Variants in SRL observed in about 807,000 individuals in gnomAD.
The protein encoded by SRL is sarcalumenin.
A neutral mutation model predicts 39.5 loss-of-function variants in SRL; 23 were observed. The ratio of observed to expected loss-of-function variants is 0.58; its 90% confidence interval spans 0.42 to 0.82. The LOEUF is 0.82. SRL is among the 40% of genes least tolerant of loss of function. SRL has a pLI of 0.00. For missense variants in SRL, 592 were observed against 607.8 expected, an observed-to-expected ratio of 0.97 and a Z score of 0.27; for synonymous variants, 272 against 237.4, an observed-to-expected ratio of 1.15 and a Z score of -1.34.
rs765860017 is a variant in SRL at position 4,192,905 on chromosome 16, C to T, written c.670G>A (p.Val224Ile). Residue 224 changes from valine to isoleucine, a missense_variant, in exon 6 of 6, where the codon GTC becomes ATC. By Grantham distance (29) the Val-to-Ile change is conservative. Coordinates refer to ENST00000399609, the MANE Select transcript of SRL (RefSeq NM_001098814.2). The surrounding 1 kb of genome is among the most constrained non-coding windows in gnomAD (Gnocchi z 4.0). ...ACATCCAGCTTTGTTGGGTCAAAGA[C>T]GACAAAGATGAGGTCAGCTCTGTCG... is the stretch of plus-strand genomic sequence containing the variant. The part of the protein sequence containing the change: ...FIDRADLIFV[V>I]FDPTKLDVGL... 250 of 1,613,990 alleles carry T rather than the reference C, an allele frequency of 1.5e-4. No homozygotes were observed. The highest frequency in any genetic ancestry group is 2.0e-4 in the Non-Finnish European group (241 of 1,180,050).
At chr16:4,226,468 T>C (rs2052590492) in intron 1 of SRL, among the ~76,000 whole-genome samples, 1 of 148,042 alleles carries the variant, frequency 6.8e-6, no homozygotes. Context: ...GAAGGAAGGA[T>C]AGACGGATGA....
chr16:4,204,124 A>G (rs1437220931), intron 2 of SRL, among the ~76,000 whole-genome samples: 1 of 152,256 alleles, frequency 6.6e-6, no homozygotes, highest in Non-Finnish European at 1.5e-5. Context: ...TCATTGATTA[A>G]GAGGAGACAA....
intron 1 of SRL, 101 bp downstream of exon 1, chr16:4,241,906 G>C (rs927275009): frequency 1.6e-6 from 2 of 1,274,868 alleles, no homozygotes; most frequent in Non-Finnish European, 2.2e-6. Context: ...GCCAGGGTTT[G>C]CCATCAGCCC....
Position 4,216,396 on chromosome 16 carries a change from T to G in SRL, c.62-11762A>C, listed in dbSNP as rs142695569. ...AAGCGATTCTCCTGCCTCAGCCTCCTGAGTAGCCGGGACCACAAGTGCACG... is the reference window on the plus strand; with the variant it reads ...AAGCGATTCTCCTGCCTCAGCCTCCGGAGTAGCCGGGACCACAAGTGCACG... On this transcript the variant is annotated intron_variant, in intron 1 of 5. Transcript: ENST00000399609. Among the ~76,000 whole-genome samples, 862 of 152,186 alleles carry G rather than the reference T, an allele frequency of 5.7e-3. 5 individuals are homozygous for G. Among genetic ancestry groups the G allele is most frequent in the African/African-American group, 0.02 (812 of 41,534 alleles).
chr16:4,192,244 C>A lies in SRL; in HGVS notation c.1331G>T (p.Gly444Val). Reference sequence around the variant, plus strand: ...TGGATTCTTCCCGAGCCCGAGGCTACCCAGGAGGCCCGGAAGCTCCTGAGT... The same window carrying A: ...TGGATTCTTCCCGAGCCCGAGGCTAACCAGGAGGCCCGGAAGCTCCTGAGT... ...AITQELPGLL[G>V]SLGLGKNPGA... Residue 444 changes from glycine to valine, a missense_variant, in exon 6 of 6, where the codon GGT becomes GTT. Coordinates refer to ENST00000399609, the MANE Select transcript of SRL (RefSeq NM_001098814.2). The surrounding 1 kb of genome is among the most constrained non-coding windows in gnomAD (Gnocchi z 4.0). 1 of 1,613,398 alleles carries A rather than the reference C, an allele frequency of 6.2e-7. No individual in the cohort carries two copies.
chr16:4,232,963 G>GC (rs953690422), intron 1 of SRL, among the ~76,000 whole-genome samples: 1 of 152,220 alleles, frequency 6.6e-6, no homozygotes, highest in African/African-American at 2.4e-5. Flanking sequence ...TGAGCTCCCA[G>GC]CACAAGCCAC....
At chr16:4,195,474 A>C in intron 5 of SRL, 79 bp downstream of exon 5, 1 of 1,392,044 alleles carries the variant, frequency 7.2e-7, no homozygotes, top group East Asian at 2.3e-5. Flanking sequence ...TTGGGATCAC[A>C]GGCATGAGCC....
chr16:4,196,954 C>T (rs571307558), intron 4 of SRL, among the ~76,000 whole-genome samples: 5 of 152,038 alleles, frequency 3.3e-5, no homozygotes, highest in African/African-American at 1.2e-4. Context: ...TCCTTTCATC[C>T]ATTGATGAAC....
Position 4,193,000 on chromosome 16 carries a change from G to A in SRL, c.611-36C>T, listed in dbSNP as rs1567172772. The A allele has an allele frequency of 1.3e-6, 2 of 1,569,974 alleles. No homozygotes were observed. Among genetic ancestry groups the A allele is most frequent in the African/African-American group, 1.3e-5 (1 of 74,280 alleles). ...CAGAAGTGAGAAGTCAAACTGAGTAGGCCTCCCTCAAAGCCCGCGCACCTC... is the reference window on the plus strand; with the variant it reads ...CAGAAGTGAGAAGTCAAACTGAGTAAGCCTCCCTCAAAGCCCGCGCACCTC... On this transcript the variant is annotated intron_variant, in intron 5 of 5. Coordinates refer to ENST00000399609, the MANE Select transcript of SRL (RefSeq NM_001098814.2). This position sits in a 1 kb window ranked among gnomAD's most constrained non-coding sequence, Gnocchi z 4.0.
chr16:4,197,833 A>G lies in SRL; in HGVS notation c.342T>C (p.Leu114=), dbSNP rs747619613. Reference sequence around the variant, plus strand: ...GCTGATAGCGAGTATTTTCCAGCCCAAGGAGGTAGTTTATCATGGTAGATT... The same window carrying G: ...GCTGATAGCGAGTATTTTCCAGCCCGAGGAGGTAGTTTATCATGGTAGATT... The part of the protein sequence containing the change: ...VGKSTMINYL[L]GLENTRYQLY... Residue 114 remains leucine (L), a synonymous_variant, in exon 4 of 6, where the codon CTT becomes CTC. Coordinates refer to ENST00000399609, the MANE Select transcript of SRL (RefSeq NM_001098814.2). The G allele has an allele frequency of 3.1e-6, 5 of 1,613,702 alleles. No homozygotes were observed. The highest frequency in any genetic ancestry group is 4.2e-6 in the Non-Finnish European group (5 of 1,179,676).
At chr16:4,202,271 G>A (rs962402849) in intron 3 of SRL, among the ~76,000 whole-genome samples, 4 of 152,178 alleles carry the variant, frequency 2.6e-5, no homozygotes, top group East Asian at 1.9e-4. Context: ...TCACTATAAC[G>A]ATGTGTTTCT....
intron 1 of SRL, among the ~76,000 whole-genome samples, chr16:4,240,158 A>G (rs1434613033): frequency 6.6e-6 from 1 of 152,190 alleles, no homozygotes; most frequent in Non-Finnish European, 1.5e-5. Flanking sequence ...GTGGTGAGCG[A>G]GAATATCTGC....
chr16:4,192,703 C>T lies in SRL; in HGVS notation c.872G>A (p.Ser291Asn). Residue 291 changes from serine to asparagine, a missense_variant, in exon 6 of 6, where the codon AGC becomes AAC. By Grantham distance (46) the Ser-to-Asn change is conservative. Coordinates refer to ENST00000399609, the MANE Select transcript of SRL (RefSeq NM_001098814.2). This position sits in a 1 kb window ranked among gnomAD's most constrained non-coding sequence, Gnocchi z 4.0. ...CTTATACTCTTGTGGCCAGAAGGAG[C>T]TGACGTAAACCCTTGGGGGCTCTGT... ...NVTEPPRVYV[S>N]SFWPQEYKPD... 1 of 1,614,152 alleles carries T rather than the reference C, an allele frequency of 6.2e-7. No individual in the cohort carries two copies. Among genetic ancestry groups the T allele is most frequent in the Non-Finnish European group, 8.5e-7 (1 of 1,180,034 alleles).
chr16:4,196,981 T>C (rs2159228), intron 4 of SRL, among the ~76,000 whole-genome samples: 78,645 of 151,656 alleles, frequency 0.52, 20,879 homozygotes, highest in African/African-American at 0.63. Flanking sequence ...CTGGTTTCCA[T>C]GTTTTGGCTA....
rs7201794 is a variant in SRL, at chr16:4,239,017, C to G, written c.61+2990G>C. 4.5e-3 allele frequency among the ~76,000 whole-genome samples: 691 copies of G among 152,246 alleles called. 7 individuals carry two copies. The highest frequency in any genetic ancestry group is 0.015 in the African/African-American group (639 of 41,556). ...ACCAGATGTCCCCTACAGGCTTGCC[C>G]GGCTGCACCAAATGAGGAGTCAGGG... On this transcript the variant is annotated intron_variant, in intron 1 of 5. Coordinates refer to ENST00000399609, the MANE Select transcript of SRL (RefSeq NM_001098814.2).
At position 4,190,468 on chromosome 16, in the gene SRL, G is replaced by A; in HGVS notation, c.*1685C>T. 2.5e-6 allele frequency: 1 copy of A among 398,782 alleles called. No homozygotes were observed. Among genetic ancestry groups the A allele is most frequent in the Admixed American group, 4.4e-5 (1 of 22,728 alleles). The allele number at this position is 398,782 out of a possible 1,614,324, so 24.7% of individuals were successfully genotyped here. On this transcript the variant is annotated 3_prime_UTR_variant, in exon 6 of 6. Transcript: ENST00000399609. ...AGGCAGCCCGGGCTGGGTCTCCTGG[G>A]CATGCACAGACTGTGCACCATGCAC...
intron 1 of SRL, among the ~76,000 whole-genome samples, chr16:4,206,004 G>A (rs882820): frequency 0.26 from 39,153 of 151,864 alleles, 5,724 homozygotes; most frequent in African/African-American, 0.41. Flanking sequence ...AGCCATCTTG[G>A]AGAGTGAAGA....
intron 1 of SRL, among the ~76,000 whole-genome samples, chr16:4,240,667 G>A (rs1377490142): frequency 6.6e-6 from 1 of 152,174 alleles, no homozygotes; most frequent in African/African-American, 2.4e-5. Flanking sequence ...TCCCTCGGTG[G>A]GAGGAAAGAT....
intron 1 of SRL, among the ~76,000 whole-genome samples, chr16:4,238,346 C>T (rs913735468): frequency 3.9e-5 from 6 of 152,112 alleles, no homozygotes; most frequent in African/African-American, 7.2e-5. Flanking sequence ...GGTCAGAGAA[C>T]GGAAACAGCT....
Sources: gnomAD v4.1 joint callset for allele counts (sites outside exome capture counted in the v4.1 genomes callset) on GRCh38, gnomAD v4.1.1 for gene constraint, Gnocchi (gnomAD v3.1) non-coding constraint, MANE v1.5 for transcripts, NCBI Gene and HGNC (gene_info 2026-07-23, HGNC 2026-07-21) for gene names.